The following INVS variants were observed in gnomAD, a reference collection of about 807,000 sequenced individuals.
INVS encodes inversion of embryo turning homolog.
INVS carries 86 observed loss-of-function variants against 108.8 expected under a neutral mutation model. The observed-to-expected ratio is 0.79, with a 90% CI of 0.66 to 0.95. The LOEUF (loss-of-function observed/expected upper bound fraction) is 0.95. Among genes scored for constraint, INVS ranks in the 40% least tolerant of loss-of-function variants. The pLI is 0.00. For missense variants in INVS, 1,169 were observed against 1,297.4 expected (o/e 0.90, Z 1.52); for synonymous variants, 455 against 473.5 (o/e 0.96, Z 0.51).
At chr9:100,184,226 C>A (rs916336152) in intron 3 of INVS, among the ~76,000 whole-genome samples, 3 of 151,970 alleles carry the variant, frequency 2.0e-5, no homozygotes, top group Non-Finnish European at 4.4e-5. Context: ...AGGTAGAAAC[C>A]AGACAGTAAT....
At chr9:100,117,476 C>A in intron 2 of INVS, 1 of 782,298 alleles carries the variant, frequency 1.3e-6, no homozygotes, top group East Asian at 2.4e-5. Context: ...CTCGGCCTTG[C>A]CTTCTCGAGC....
chr9:100,125,750 A>C (rs1287146505), intron 2 of INVS, among the ~76,000 whole-genome samples: 1 of 148,178 alleles, frequency 6.7e-6, no homozygotes, highest in Non-Finnish European at 1.5e-5. Context: ...CAATGGCACA[A>C]TCTTAGTTCA....
chr9:100,208,931 G>A (rs900458585), intron 3 of INVS, among the ~76,000 whole-genome samples: 1 of 152,102 alleles, frequency 6.6e-6, no homozygotes, highest in East Asian at 1.9e-4. Flanking sequence ...TTGAGTACTC[G>A]CTGTGCACTG....
intron 13 of INVS, among the ~76,000 whole-genome samples, chr9:100,289,060 C>T (rs558458675): frequency 7.9e-5 from 12 of 152,252 alleles, no homozygotes; most frequent in South Asian, 4.1e-4. Flanking sequence ...TGCTTACAAA[C>T]GGAGCAGTTT....
At chr9:100,120,713 T>C (rs1175897324) in intron 2 of INVS, 2 of 152,238 alleles carry the variant, frequency 1.3e-5, no homozygotes, top group African/African-American at 4.8e-5. Flanking sequence ...ATCTTGTTGT[T>C]GGGGTGAACC....
intron 16 of INVS, among the ~76,000 whole-genome samples, chr9:100,299,450 A>G (rs1229710293): frequency 6.6e-6 from 1 of 151,962 alleles, no homozygotes; most frequent in Non-Finnish European, 1.5e-5. Flanking sequence ...GTTTCTCCAC[A>G]TGTATTTGGG....
At chr9:100,172,219 C>T (rs1172250043) in intron 3 of INVS, among the ~76,000 whole-genome samples, 1 of 152,094 alleles carries the variant, frequency 6.6e-6, no homozygotes, top group Admixed American at 6.6e-5. Flanking sequence ...AATCTTAGCC[C>T]TTATTATCCC....
intron 3 of INVS, among the ~76,000 whole-genome samples, chr9:100,207,239 A>C (rs992003927): frequency 6.6e-6 from 1 of 152,124 alleles, no homozygotes; most frequent in South Asian, 2.1e-4. Context: ...GGTTGTTATG[A>C]TGATGGCTGC....
At chr9:100,195,744 T>C (rs1239309088) in intron 3 of INVS, among the ~76,000 whole-genome samples, 1 of 152,138 alleles carries the variant, frequency 6.6e-6, no homozygotes, top group East Asian at 1.9e-4. Flanking sequence ...CTCCTTGGCC[T>C]CCCAAAATGC....
intron 3 of INVS, among the ~76,000 whole-genome samples, chr9:100,159,562 A>G (rs984075368): frequency 2.0e-5 from 3 of 152,192 alleles, no homozygotes; most frequent in South Asian, 2.1e-4. Flanking sequence ...ATTACCTCCT[A>G]TTTGCTAGAA....
intron 10 of INVS, among the ~76,000 whole-genome samples, chr9:100,259,125 C>T (rs1832523753): frequency 2.0e-5 from 3 of 152,176 alleles, no homozygotes; most frequent in South Asian, 2.1e-4. Flanking sequence ...CAATGGCGGA[C>T]GCCCCTCCCC....
chr9:100,272,791 ATAT>A (rs1832995354), intron 11 of INVS, 70 bp from the exon 12 acceptor site: 2 of 1,348,646 alleles, frequency 1.5e-6, no homozygotes, highest in Non-Finnish European at 2.1e-6. Context: ...CTGCATAATA[ATAT>A]TTTCAGTTTA....
At chr9:100,107,002 C>G (rs1827201987) in intron 2 of INVS, among the ~76,000 whole-genome samples, 1 of 152,154 alleles carries the variant, frequency 6.6e-6, no homozygotes, top group Non-Finnish European at 1.5e-5. Context: ...GTCACCAAAA[C>G]CAAGATTCTT....
chr9:100,114,000 G>A (rs949335387), intron 2 of INVS, among the ~76,000 whole-genome samples: 2 of 152,146 alleles, frequency 1.3e-5, no homozygotes, highest in African/African-American at 2.4e-5. Context: ...AGTAAGAGAT[G>A]AATACTTGAT....
intron 8 of INVS, among the ~76,000 whole-genome samples, chr9:100,251,125 T>C (rs1177899357): frequency 1.3e-5 from 2 of 152,254 alleles, no homozygotes; most frequent in African/African-American, 2.4e-5. Flanking sequence ...CAATTATCAC[T>C]ATATAATAAC....
intron 3 of INVS, among the ~76,000 whole-genome samples, chr9:100,127,701 C>G (rs934959592): frequency 6.6e-6 from 1 of 152,172 alleles, no homozygotes; most frequent in Non-Finnish European, 1.5e-5. Flanking sequence ...AGTTATACTA[C>G]TGAATATGCT....
chr9:100,268,610 T>G (rs2118647312), intron 11 of INVS, among the ~76,000 whole-genome samples: 1 of 152,326 alleles, frequency 6.6e-6, no homozygotes, highest in East Asian at 1.9e-4. Flanking sequence ...AGGGTCTAGA[T>G]GAAGCAAATG....
intron 12 of INVS, 110 bp downstream of exon 12, chr9:100,273,186 T>C: frequency 1.2e-6 from 1 of 810,170 alleles, no homozygotes; most frequent in Non-Finnish European, 2.1e-6. Flanking sequence ...AGAATCTGAA[T>C]TACTGTTGGT....
At chr9:100,273,296 T>C (rs555377635) in intron 12 of INVS, among the ~76,000 whole-genome samples, 1 of 152,128 alleles carries the variant, frequency 6.6e-6, no homozygotes, top group East Asian at 1.9e-4. Flanking sequence ...TAGTGATTCC[T>C]CTAGACTAGT....
Sources: gnomAD v4.1 joint callset for allele counts (sites outside exome capture counted in the v4.1 genomes callset) on GRCh38, gnomAD v4.1.1 for gene constraint, MANE v1.5 for transcripts, NCBI Gene and HGNC (gene_info 2026-07-23, HGNC 2026-07-21) for gene names.